USP34: variants seen among roughly 807,000 people sequenced by gnomAD.
USP34 encodes ubiquitin carboxyl-terminal hydrolase 34.
In USP34, 70 loss-of-function variants were observed where a neutral mutation model predicts 460.3. The ratio of observed to expected loss-of-function variants is 0.15; its 90% confidence interval spans 0.13 to 0.19. The LOEUF (loss-of-function observed/expected upper bound fraction) is 0.19. Among genes scored for constraint, USP34 ranks in the 10% least tolerant of loss-of-function variants. The pLI, the probability that USP34 is intolerant of heterozygous loss-of-function variation, is 1.00. For missense variants in USP34, 3,985 were observed against 4,236.2 expected (o/e 0.94, Z 1.65); for synonymous variants, 1,647 against 1,405.3 (o/e 1.17, Z -3.85).
intron 29 of USP34, among the ~76,000 whole-genome samples, chr2:61,297,821 C>G (rs1352948919): frequency 1.3e-5 from 2 of 152,164 alleles, no homozygotes; most frequent in Non-Finnish European, 2.9e-5. Flanking sequence ...CAGCTCACTG[C>G]AACCTCCGCC....
At chr2:61,330,999 T>C (rs1189193666) in intron 20 of USP34, among the ~76,000 whole-genome samples, 1 of 152,166 alleles carries the variant, frequency 6.6e-6, no homozygotes, top group Admixed American at 6.5e-5. Flanking sequence ...GTATTTACTT[T>C]TGATTCCTTA....
In USP34 at chr2:61,343,895, T is replaced by C; in HGVS notation, c.2420A>G (p.Asn807Ser). Residue 807 changes from asparagine (N) to serine (S), a missense_variant, in exon 16 of 80, where the codon AAT becomes AGT. Transcript: ENST00000398571. ...SGCEEELVQI[N>S]SHAELTSHLQ... ...GTGAGATGTCAGTTCCGCATGTGAA[T>C]TAATCTGAACTAGCTCCTCTTCACA... The C allele has an allele frequency of 1.9e-6, 3 of 1,614,012 alleles. No homozygotes were observed. The highest frequency in any genetic ancestry group is 2.2e-5 in the South Asian group (2 of 91,078).
At chr2:61,221,722 G>C in intron 65 of USP34, 116 bp from the exon 66 acceptor site, 1 of 910,654 alleles carries the variant, frequency 1.1e-6, no homozygotes, top group Non-Finnish European at 1.6e-6. Context: ...GGGAAGGAGA[G>C]CTCAGCCAGT....
chr2:61,303,069 G>GT (rs562429927), intron 27 of USP34, among the ~76,000 whole-genome samples: 27 of 151,812 alleles, frequency 1.8e-4, no homozygotes, highest in South Asian at 1.2e-3. Context: ...TCATATTATT[G>GT]TAAGTTTTTT....
At chr2:61,317,464 T>A (rs1333689066) in intron 23 of USP34, among the ~76,000 whole-genome samples, 190 bp downstream of exon 23, 1 of 152,008 alleles carries the variant, frequency 6.6e-6, no homozygotes, top group African/African-American at 2.4e-5. Flanking sequence ...GAGGTGGAGG[T>A]TGCAGTGAGC....
rs774402171 is a variant in USP34, at chr2:61,370,486, T to G, written c.1158+12A>C. 1 of 1,613,660 alleles carries G rather than the reference T, an allele frequency of 6.2e-7. No homozygotes were observed. The highest frequency in any genetic ancestry group is 8.5e-7 in the Non-Finnish European group (1 of 1,179,788). On this transcript the variant is annotated intron_variant, in intron 9 of 79. Transcript: ENST00000398571. ...TCAATAGAACAGAGAAGTTATGTAA[T>G]CATCCACAAACCTCAATATGTAAAT...
chr2:61,234,286 A>G (rs1218364890), intron 57 of USP34, among the ~76,000 whole-genome samples: 1 of 152,254 alleles, frequency 6.6e-6, no homozygotes, highest in Non-Finnish European at 1.5e-5. Flanking sequence ...CCAGACTGCT[A>G]TTCCCCACTT....
intron 67 of USP34, among the ~76,000 whole-genome samples, chr2:61,219,735 TG>T (rs1687504138): frequency 6.6e-6 from 1 of 151,892 alleles, no homozygotes; most frequent in African/African-American, 2.4e-5. Flanking sequence ...TAAGTATCAA[TG>T]ACTGTAGGGC....
At chr2:61,246,559 T>A (rs1385807515) in intron 49 of USP34, 82 bp from the exon 50 acceptor site, 14 of 910,888 alleles carry the variant, frequency 1.5e-5, no homozygotes, top group Non-Finnish European at 2.1e-5. Flanking sequence ...ATAAACTTTA[T>A]CAATTACAAT....
At chr2:61,304,105 C>A (rs558795860) in intron 27 of USP34, among the ~76,000 whole-genome samples, 27 of 152,182 alleles carry the variant, frequency 1.8e-4, no homozygotes, top group South Asian at 8.3e-4. Flanking sequence ...GTCATGTTGG[C>A]CAGGCTGGTC....
At chr2:61,316,758 C>A (rs1269784325) in intron 23 of USP34, among the ~76,000 whole-genome samples, 1 of 150,318 alleles carries the variant, frequency 6.7e-6, no homozygotes, top group African/African-American at 2.5e-5. Flanking sequence ...GGTGGTGCAC[C>A]CCTGTAATCC....
chr2:61,295,114 T>C, intron 31 of USP34, 54 bp downstream of exon 31: 1 of 1,597,318 alleles, frequency 6.3e-7, no homozygotes, highest in East Asian at 2.2e-5. Context: ...CATTATAGAA[T>C]TTTGCTCCAG....
intron 41 of USP34, chr2:61,277,905 T>C (rs1289649568): frequency 5.0e-6 from 2 of 396,848 alleles, no homozygotes; most frequent in Non-Finnish European, 9.0e-6. Context: ...CCGCTTTCGC[T>C]TGGTTCTCAT....
At chr2:61,441,216 T>C (rs1330313417) in intron 1 of USP34, among the ~76,000 whole-genome samples, 3 of 151,400 alleles carry the variant, frequency 2.0e-5, no homozygotes, top group African/African-American at 7.3e-5. Context: ...TAGCTCACTG[T>C]AGCCTCAAAC....
chr2:61,296,136 T>C, intron 30 of USP34, among the ~76,000 whole-genome samples: 1 of 152,200 alleles, frequency 6.6e-6, no homozygotes, highest in Non-Finnish European at 1.5e-5. Flanking sequence ...CACACGCCTA[T>C]GGTCTCAGCT....
intron 3 of USP34, among the ~76,000 whole-genome samples, chr2:61,397,441 T>TAAA (rs35650295): frequency 7.6e-6 from 1 of 131,276 alleles, no homozygotes; most frequent in Non-Finnish European, 1.6e-5. Context: ...AGGCTCCATC[T>TAAA]AAAAAAAAAA....
At chr2:61,453,287 G>A (rs115501704) in intron 1 of USP34, among the ~76,000 whole-genome samples, 86 of 151,998 alleles carry the variant, frequency 5.7e-4, no homozygotes, top group South Asian at 2.3e-3. Flanking sequence ...GGTGGCCTGC[G>A]CCTATAATCC....
chr2:61,348,014 A>T lies in USP34; in HGVS notation c.2141T>A (p.Ile714Lys), dbSNP rs151293144. 6.2e-7 allele frequency: 1 copy of T among 1,614,088 alleles called. No individual in the cohort carries two copies. Among genetic ancestry groups the T allele is most frequent in the African/African-American group, 1.3e-5 (1 of 74,934 alleles). ...ACAAGACTCCTGAGACCCTTGTGCTATATGAGTAGCATTCATTTCCCCTGA... is the reference window on the plus strand; with the variant it reads ...ACAAGACTCCTGAGACCCTTGTGCTTTATGAGTAGCATTCATTTCCCCTGA... ...DISGEMNATH[I>K]AQGSQESCIT... The change falls in exon 15 of 80, where the codon ATA becomes AAA. Residue 714 changes from isoleucine (I) to lysine (K), a missense_variant. Physicochemically the swap from Ile to Lys is moderately radical, Grantham distance 102. Around this residue, in one of 14 missense-constraint regions of USP34, gnomAD observed 716 missense variants for 626.2 expected, o/e 1.14. Transcript: ENST00000398571.
intron 19 of USP34, among the ~76,000 whole-genome samples, chr2:61,332,790 G>GT (rs34341648): frequency 0.048 from 7,371 of 151,986 alleles, 283 homozygotes; most frequent in Non-Finnish European, 0.074. Context: ...TCTTACTGTA[G>GT]TATTAACCAA....
Sources: allele counts gnomAD v4.1 joint callset (sites outside exome capture counted in the v4.1 genomes callset), GRCh38; gene constraint gnomAD v4.1.1; regional missense constraint gnomAD v4.1.1; transcripts MANE v1.5; gene names NCBI Gene and HGNC (gene_info 2026-07-23, HGNC 2026-07-21).